Variants in BTBD9 observed in about 807,000 individuals in gnomAD.
The protein encoded by BTBD9 is BTB domain containing 9, also known as BTB/POZ domain-containing protein 9.
In BTBD9, 49 loss-of-function variants were observed where a neutral mutation model predicts 64.3. That is an observed-to-expected ratio of 0.76 (90% CI 0.61 to 0.97). The LOEUF is 0.97. BTBD9 is among the 50% of genes least tolerant of loss of function. The pLI is 0.00. For missense variants in BTBD9, 598 were observed against 762.1 expected, an observed-to-expected ratio of 0.78 and a Z score of 2.53; for synonymous variants, 260 against 274.7, an observed-to-expected ratio of 0.95 and a Z score of 0.53.
At chr6:38,503,666 C>T (rs1167781541) in intron 6 of BTBD9, among the ~76,000 whole-genome samples, 1 of 152,138 alleles carries the variant, frequency 6.6e-6, no homozygotes, top group Non-Finnish European at 1.5e-5. Flanking sequence ...ACCAACTTCA[C>T]ACTCATCCCA....
rs1452945337 is a variant in BTBD9, at chr6:38,368,508, T to C, written c.1155-23415A>G. On this transcript the variant is annotated intron_variant, in intron 6 of 10. Transcript: ENST00000481247. Reference sequence around the variant, plus strand: ...TGCCACTGTGCCTGGCTAATTTTTGTATTATTAATAGAGATGGGGTTTCAC... The same window carrying C: ...TGCCACTGTGCCTGGCTAATTTTTGCATTATTAATAGAGATGGGGTTTCAC... 2.6e-5 allele frequency among the ~76,000 whole-genome samples: 4 copies of C among 152,184 alleles called. No individual in the cohort carries two copies. In the East Asian group the frequency reaches 7.7e-4, roughly 29 times the overall value.
intron 8 of BTBD9, among the ~76,000 whole-genome samples, chr6:38,286,686 G>A (rs906311290): frequency 1.3e-5 from 2 of 152,088 alleles, no homozygotes; most frequent in South Asian, 4.2e-4. Context: ...TTTTAGTCAA[G>A]GACGAACTGC....
chr6:38,618,195 G>A (rs547819487), intron 1 of BTBD9, among the ~76,000 whole-genome samples: 2 of 152,336 alleles, frequency 1.3e-5, no homozygotes, highest in Admixed American at 6.5e-5. Context: ...CTAAGCCACT[G>A]GGACCAATTT....
intron 10 of BTBD9, among the ~76,000 whole-genome samples, chr6:38,187,203 T>C (rs1478475175): frequency 1.3e-5 from 2 of 152,192 alleles, no homozygotes; most frequent in Non-Finnish European, 2.9e-5. Flanking sequence ...TTTGTTAACG[T>C]TGTTGACAAG....
intron 7 of BTBD9, among the ~76,000 whole-genome samples, chr6:38,319,501 C>A (rs1266355977): frequency 6.6e-6 from 1 of 151,754 alleles, no homozygotes; most frequent in Admixed American, 6.6e-5. Context: ...TTAGTCAGCA[C>A]GTGATGAATC....
chr6:38,187,929 ACT>A (rs1761887747), intron 10 of BTBD9, among the ~76,000 whole-genome samples: 2 of 152,282 alleles, frequency 1.3e-5, no homozygotes, highest in East Asian at 1.9e-4. Context: ...AGAAATCTAC[ACT>A]CTCAGACTGC....
intron 1 of BTBD9, among the ~76,000 whole-genome samples, chr6:38,608,912 A>G (rs1777518575): frequency 6.6e-6 from 1 of 152,164 alleles, no homozygotes; most frequent in Non-Finnish European, 1.5e-5. Context: ...CCAACATAAC[A>G]TTCTGTACTG....
chr6:38,615,065 T>C (rs570797218), intron 1 of BTBD9, among the ~76,000 whole-genome samples: 1 of 152,316 alleles, frequency 6.6e-6, no homozygotes, highest in East Asian at 1.9e-4. Flanking sequence ...CCCCCTGACT[T>C]TCCCTAGCAC....
intron 9 of BTBD9, among the ~76,000 whole-genome samples, chr6:38,203,749 G>T (rs1762542873): frequency 1.3e-5 from 2 of 151,766 alleles, no homozygotes. Flanking sequence ...GGGTGGGAAG[G>T]GTGTGAAGGT....
At chr6:38,517,003 A>G (rs1773058542) in intron 6 of BTBD9, among the ~76,000 whole-genome samples, 1 of 152,236 alleles carries the variant, frequency 6.6e-6, no homozygotes, top group Admixed American at 6.5e-5. Flanking sequence ...GCTAATATTC[A>G]GAGGTTTTCC....
intron 6 of BTBD9, among the ~76,000 whole-genome samples, chr6:38,527,027 G>A (rs1324527910): frequency 1.3e-5 from 2 of 152,022 alleles, no homozygotes; most frequent in Non-Finnish European, 2.9e-5. Context: ...TGTAATCTTA[G>A]CACTTCGGGA....
rs139011316 is a variant in BTBD9 at position 38,227,859 on chromosome 6, T to C, written c.1562+28550A>G. ...TTCTGGAATGCTGTGTGGTCTTTTC[T>C]TCTGAAGAAATTCAAAAGTGAATCC... On this transcript the variant is annotated intron_variant, in intron 9 of 10. Coordinates refer to ENST00000481247, the MANE Select transcript of BTBD9 (RefSeq NM_001099272.2). 2.2e-3 allele frequency among the ~76,000 whole-genome samples: 342 copies of C among 152,322 alleles called. 2 individuals carry two copies. Among genetic ancestry groups the C allele is most frequent in the African/African-American group, 8.0e-3 (331 of 41,558 alleles).
In BTBD9 at chr6:38,374,302, T is replaced by C. The variant is rs867372842; in HGVS notation, c.1155-29209A>G. Reference sequence around the variant, plus strand: ...AAAAAAGTATATATATATATGTATATATATGTATATATATATATATATATG... The same window carrying C: ...AAAAAAGTATATATATATATGTATACATATGTATATATATATATATATATG... On this transcript the variant is annotated intron_variant, in intron 6 of 10. Coordinates refer to ENST00000481247, the MANE Select transcript of BTBD9 (RefSeq NM_001099272.2). 4.1e-4 allele frequency among the ~76,000 whole-genome samples: 38 copies of C among 91,816 alleles called. 4 individuals are homozygous for C. Among genetic ancestry groups the C allele is most frequent in the African/African-American group, 1.7e-3 (32 of 19,252 alleles). The allele number at this position is 91,816 out of a possible 152,430, so 60.2% of individuals were successfully genotyped here.
chr6:38,281,462 T>G (rs576377532), intron 8 of BTBD9, among the ~76,000 whole-genome samples: 3 of 152,336 alleles, frequency 2.0e-5, no homozygotes, highest in African/African-American at 7.2e-5. Context: ...TAGGATCAAC[T>G]TGCTATTACT....
At chr6:38,307,795 T>G (rs9394490) in intron 7 of BTBD9, among the ~76,000 whole-genome samples, 9,535 of 152,250 alleles carry the variant, frequency 0.063, 833 homozygotes, top group East Asian at 0.4. Context: ...AGGTTAAAAC[T>G]TCCCTAAACT....
intron 9 of BTBD9, among the ~76,000 whole-genome samples, chr6:38,211,668 C>A (rs1762839909): frequency 6.6e-6 from 1 of 151,150 alleles, no homozygotes; most frequent in South Asian, 2.1e-4. Context: ...CGCTTGAACC[C>A]AGGAGGTGGA....
intron 6 of BTBD9, among the ~76,000 whole-genome samples, chr6:38,468,815 A>G (rs529351434): frequency 6.6e-6 from 1 of 152,302 alleles, no homozygotes; most frequent in East Asian, 1.9e-4. Context: ...TTAATAAAAT[A>G]ACATTTACAG....
At chr6:38,199,254 C>G (rs1463973849) in intron 9 of BTBD9, among the ~76,000 whole-genome samples, 2 of 152,106 alleles carry the variant, frequency 1.3e-5, no homozygotes, top group African/African-American at 2.4e-5. Flanking sequence ...TGAGACCCCC[C>G]CAGTTCCCTT....
intron 6 of BTBD9, among the ~76,000 whole-genome samples, chr6:38,574,939 T>A (rs184966217): frequency 6.6e-6 from 1 of 152,346 alleles, no homozygotes; most frequent in South Asian, 2.1e-4. Context: ...CTGATTTATA[T>A]GCAGTTTAGC....
Sources: allele counts gnomAD v4.1 joint callset (sites outside exome capture counted in the v4.1 genomes callset), GRCh38; gene constraint gnomAD v4.1.1; transcripts MANE v1.5; gene names NCBI Gene and HGNC (gene_info 2026-07-23, HGNC 2026-07-21).